The following KIT variants were observed in gnomAD, a reference collection of about 807,000 sequenced individuals.
KIT encodes KIT proto-oncogene, receptor tyrosine kinase, also known as mast/stem cell growth factor receptor Kit.
Under a neutral mutation model 105.7 loss-of-function variants are expected in KIT, and 16 were observed. The observed-to-expected ratio is 0.15, with a 90% CI of 0.10 to 0.23. The LOEUF (loss-of-function observed/expected upper bound fraction) is 0.23, where lower values mean the gene tolerates loss of function less well. Among genes scored for constraint, KIT ranks in the 10% least tolerant of loss-of-function variants. The pLI is 1.00. For synonymous variants in KIT, 438 were observed against 441.1 expected (o/e 0.99, Z 0.09); for missense variants, 858 against 1,213.8 (o/e 0.71, Z 4.36).
chr4:54,727,756 C>T (rs1475652231), intron 11 of KIT, 67 bp from the exon 12 acceptor site: 7 of 1,371,862 alleles, frequency 5.1e-6, no homozygotes, highest in African/African-American at 1.4e-5. Context: ...TTTGAAACTG[C>T]ACAAATGGTC....
At chr4:54,735,348 C>T (rs1186648320) in intron 17 of KIT, among the ~76,000 whole-genome samples, 9 of 121,552 alleles carry the variant, frequency 7.4e-5, no homozygotes, top group African/African-American at 2.9e-4. Context: ...TGTAAGCTGA[C>T]TAAAATAACT....
At chr4:54,682,794 C>A (rs1043715997) in intron 1 of KIT, among the ~76,000 whole-genome samples, 1 of 151,036 alleles carries the variant, frequency 6.6e-6, no homozygotes, top group Admixed American at 6.6e-5. Context: ...CCCCGTCACC[C>A]GAGCTGGAGT....
intron 1 of KIT, among the ~76,000 whole-genome samples, chr4:54,690,070 G>GC (rs1221320863): frequency 4.0e-5 from 3 of 75,558 alleles, no homozygotes; most frequent in African/African-American, 9.8e-5. Flanking sequence ...GGGGGGGGGG[G>GC]CTGTGTAATG....
At chr4:54,695,091 A>G (rs1440812880) in intron 1 of KIT, among the ~76,000 whole-genome samples, 3 of 152,226 alleles carry the variant, frequency 2.0e-5, no homozygotes, top group Non-Finnish European at 4.4e-5. Context: ...GGTCATGTAT[A>G]TTCTGCCAAA....
intron 9 of KIT, 92 bp from the exon 10 acceptor site, chr4:54,727,126 G>T (rs1485016472): frequency 9.8e-7 from 1 of 1,016,180 alleles, no homozygotes; most frequent in Non-Finnish European, 1.6e-6. Context: ...TGGGCTGTGA[G>T]TTGGGAGGTG....
chr4:54,711,908 G>A (rs528321996), intron 7 of KIT, among the ~76,000 whole-genome samples: 30 of 141,668 alleles, frequency 2.1e-4, no homozygotes, highest in African/African-American at 3.7e-4. Context: ...CAGCCTGGGC[G>A]ACTGAACGAG....
rs75449110 is a variant in KIT at position 54,660,309 on chromosome 4, T to G, written c.67+2228T>G. 7.5e-3 allele frequency among the ~76,000 whole-genome samples: 1,143 copies of G among 152,076 alleles called. 19 individuals carry two copies. Among genetic ancestry groups the G allele is most frequent in the African/African-American group, 0.026 (1,086 of 41,466 alleles). ...GCCCCCGCCCCCCAAGTATTACAGCTCCTGTGCCTAACAGGATGAACCTGC... is the reference window on the plus strand; with the variant it reads ...GCCCCCGCCCCCCAAGTATTACAGCGCCTGTGCCTAACAGGATGAACCTGC... On this transcript the variant is annotated intron_variant, in intron 1 of 20. Coordinates refer to ENST00000288135, the MANE Select transcript of KIT (RefSeq NM_000222.3).
chr4:54,661,532 T>C (rs1053566295), intron 1 of KIT, among the ~76,000 whole-genome samples: 3 of 152,248 alleles, frequency 2.0e-5, no homozygotes, highest in African/African-American at 7.2e-5. Flanking sequence ...TTCAAGGTAG[T>C]GGTCAAGGCT....
intron 1 of KIT, among the ~76,000 whole-genome samples, chr4:54,677,471 A>G (rs1217934604): frequency 6.6e-6 from 1 of 152,194 alleles, no homozygotes; most frequent in Non-Finnish European, 1.5e-5. Context: ...GCAGACATTC[A>G]TAATACATGG....
chr4:54,729,021 C>T (rs537674977), intron 13 of KIT, among the ~76,000 whole-genome samples: 43 of 152,068 alleles, frequency 2.8e-4, no homozygotes, highest in Non-Finnish European at 5.2e-4. Context: ...AGAGGATTCA[C>T]GTAGGAAGCT....
At chr4:54,663,960 T>C (rs1717489807) in intron 1 of KIT, among the ~76,000 whole-genome samples, 1 of 152,138 alleles carries the variant, frequency 6.6e-6, no homozygotes, top group African/African-American at 2.4e-5. Context: ...CGTTACAGGC[T>C]GGGGGTGGAG....
chr4:54,721,959 A>C (rs765497401), intron 7 of KIT, among the ~76,000 whole-genome samples: 5 of 152,188 alleles, frequency 3.3e-5, no homozygotes, highest in Non-Finnish European at 7.3e-5. Flanking sequence ...AGAAAGGTAG[A>C]TATTCTGATT....
At chr4:54,731,827 C>T (rs2109794429) in intron 15 of KIT, 44 bp from the exon 16 acceptor site, 1 of 1,608,156 alleles carries the variant, frequency 6.2e-7, no homozygotes, top group Non-Finnish European at 8.5e-7. Context: ...CTTTCCTGAC[C>T]TTTATGGTTG....
At position 54,725,902 on chromosome 4, in the gene KIT, A is replaced by C. The variant is rs924631481; in HGVS notation, c.1392A>C (p.Ser464=). 6.2e-7 allele frequency: 1 copy of C among 1,614,110 alleles called. No homozygotes were observed. ...VLPVDVQTLN[S]SGPPFGKLVV... is the part of the protein sequence containing the mutation. ...CAGTGGATGTGCAGACACTAAACTCATCTGGGCCACCGTTTGGAAAGCTAG... is the reference window on the plus strand; with the variant it reads ...CAGTGGATGTGCAGACACTAAACTCCTCTGGGCCACCGTTTGGAAAGCTAG... The change falls in exon 9 of 21, where the codon TCA becomes TCC. Residue 464 remains serine (S), a synonymous_variant. Transcript: ENST00000288135.
chr4:54,662,288 A>G (rs1178252691), intron 1 of KIT, among the ~76,000 whole-genome samples: 1 of 152,116 alleles, frequency 6.6e-6, no homozygotes, highest in Non-Finnish European at 1.5e-5. Context: ...TGGCTTCATG[A>G]CTGACAGCTT....
chr4:54,670,458 TGGG>T (rs1560375837), intron 1 of KIT, among the ~76,000 whole-genome samples: 1 of 152,116 alleles, frequency 6.6e-6, no homozygotes, highest in Non-Finnish European at 1.5e-5. Flanking sequence ...CCTGTGAAAT[TGGG>T]GGACTGAAAG....
chr4:54,659,991 C>G (rs1717128150), intron 1 of KIT, among the ~76,000 whole-genome samples: 1 of 152,086 alleles, frequency 6.6e-6, no homozygotes, highest in African/African-American at 2.4e-5. Context: ...GGGCAGGTTG[C>G]TTAAATTCTG....
rs192128606 is a variant in KIT, at chr4:54,732,786, T to C, written c.2362-284T>C. Among the ~76,000 whole-genome samples the C allele has an allele frequency of 7.0e-4, 106 of 152,304 alleles. 1 individual carries two copies. In the East Asian group the frequency reaches 0.012, roughly 17 times the overall value. ...AATTTTCAGTTTAAACAATATGATATGACTATTTCTTATGTATTTCCCTAT... is the reference window on the plus strand; with the variant it reads ...AATTTTCAGTTTAAACAATATGATACGACTATTTCTTATGTATTTCCCTAT... On this transcript the variant is annotated intron_variant, in intron 16 of 20. Coordinates refer to ENST00000288135, the MANE Select transcript of KIT (RefSeq NM_000222.3).
chr4:54,660,007 C>G lies in KIT; in HGVS notation c.67+1926C>G, dbSNP rs574716944. Among the ~76,000 whole-genome samples, 355 of 152,206 alleles carry G rather than the reference C, an allele frequency of 2.3e-3. 1 individual carries two copies. Among genetic ancestry groups the G allele is most frequent in the African/African-American group, 8.4e-3 (347 of 41,504 alleles). On this transcript the variant is annotated intron_variant, in intron 1 of 20. Coordinates refer to ENST00000288135, the MANE Select transcript of KIT (RefSeq NM_000222.3). The stretch of plus-strand genomic sequence containing the variant: ...GGCAGGTTGCTTAAATTCTGGGAAA[C>G]GCAGTGTCCTCCAGAGTACAAGGAG...
Sources: gnomAD v4.1 joint callset for allele counts (sites outside exome capture counted in the v4.1 genomes callset) on GRCh38, gnomAD v4.1.1 for gene constraint, MANE v1.5 for transcripts, NCBI Gene and HGNC (gene_info 2026-07-23, HGNC 2026-07-21) for gene names.